Variants in TIMM23 observed in about 807,000 individuals in gnomAD.
The protein encoded by TIMM23 is mitochondrial import inner membrane translocase subunit Tim23.
TIMM23 carries 19 observed loss-of-function variants against 30.7 expected under a neutral mutation model. The observed-to-expected ratio is 0.62, with a 90% CI of 0.43 to 0.91. The LOEUF (loss-of-function observed/expected upper bound fraction) is 0.91. Ranked by LOEUF, TIMM23 falls within the 40% of genes least tolerant of loss-of-function variation. The probability of loss-of-function intolerance (pLI) is 0.00; values close to 1 mark genes in which losing one functional copy is unlikely to be tolerated. For missense variants in TIMM23, 202 were observed against 269.2 expected, an observed-to-expected ratio of 0.75 and a Z score of 1.75; for synonymous variants, 78 against 98.5, an observed-to-expected ratio of 0.79 and a Z score of 1.23.
intron 6 of TIMM23, among the ~76,000 whole-genome samples, chr10:45,997,981 A>G (rs983873707): frequency 6.6e-6 from 1 of 152,220 alleles, no homozygotes; most frequent in East Asian, 1.9e-4. Context: ...AGCTGCTGAC[A>G]GTCCTCAACA....
chr10:46,000,636 C>A (rs1242622167), intron 6 of TIMM23, among the ~76,000 whole-genome samples: 1 of 152,208 alleles, frequency 6.6e-6, no homozygotes, highest in Admixed American at 6.5e-5. Context: ...ATGTGAGAAT[C>A]CTTCCACAAG....
intron 6 of TIMM23, among the ~76,000 whole-genome samples, chr10:45,999,978 T>A (rs1402350208): frequency 6.6e-6 from 1 of 152,244 alleles, no homozygotes; most frequent in African/African-American, 2.4e-5. Context: ...TATGGCTCTG[T>A]TCCACCTGGC....
At chr10:45,974,239 A>G (rs1226238915) in intron 1 of TIMM23, among the ~76,000 whole-genome samples, 3 of 152,076 alleles carry the variant, frequency 2.0e-5, no homozygotes, top group South Asian at 2.1e-4. Flanking sequence ...ACCAACAAAC[A>G]TAAATTAAAA....
At chr10:45,996,081 G>A (rs1358215231) in intron 6 of TIMM23, among the ~76,000 whole-genome samples, 2 of 148,410 alleles carry the variant, frequency 1.3e-5, no homozygotes, top group African/African-American at 5.2e-5. Flanking sequence ...GAAATGTTAG[G>A]CCTGGCACAG....
chr10:46,003,068 C>T (rs566846312), intron 6 of TIMM23, 135 bp from the exon 7 acceptor site: 29 of 619,804 alleles, frequency 4.7e-5, no homozygotes, highest in African/African-American at 4.6e-4. Flanking sequence ...CCACCCACCT[C>T]GGCCTCCCGA....
intron 2 of TIMM23, among the ~76,000 whole-genome samples, chr10:45,981,203 C>T (rs1305963376): frequency 5.6e-5 from 8 of 143,348 alleles, no homozygotes; most frequent in African/African-American, 7.9e-5. Flanking sequence ...CTTCCCAAAG[C>T]GCTGAGATTA....
chr10:45,978,523 T>C (rs1564903851), intron 2 of TIMM23, among the ~76,000 whole-genome samples: 2 of 152,174 alleles, frequency 1.3e-5, no homozygotes, highest in African/African-American at 4.8e-5. Context: ...TATGAAGATA[T>C]ACAGATGTCT....
At chr10:45,991,366 A>C (rs1442145094) in intron 6 of TIMM23, among the ~76,000 whole-genome samples, 2 of 152,228 alleles carry the variant, frequency 1.3e-5, no homozygotes, top group Non-Finnish European at 2.9e-5. Context: ...AGTGGTGGGT[A>C]GATAAAATAG....
At chr10:45,982,340 A>G (rs1253642687) in intron 2 of TIMM23, among the ~76,000 whole-genome samples, 183 bp from the exon 3 acceptor site, 2 of 152,180 alleles carry the variant, frequency 1.3e-5, no homozygotes, top group Middle Eastern at 3.2e-3. Flanking sequence ...TATGTTTCGT[A>G]TTTCATTTCA....
intron 6 of TIMM23, among the ~76,000 whole-genome samples, chr10:45,991,063 C>T (rs1838150088): frequency 6.6e-6 from 1 of 152,162 alleles, no homozygotes; most frequent in Non-Finnish European, 1.5e-5. Context: ...TTGTCTTTCT[C>T]ACCAAACCAA....
chr10:45,973,181 A>AT (rs1837550170), intron 1 of TIMM23, among the ~76,000 whole-genome samples: 3 of 32,760 alleles, frequency 9.2e-5, no homozygotes. Context: ...TAAGTGAGAA[A>AT]TAAATGACTT....
At chr10:46,003,006 A>G (rs1290915069) in intron 6 of TIMM23, among the ~76,000 whole-genome samples, 197 bp from the exon 7 acceptor site, 2 of 151,824 alleles carry the variant, frequency 1.3e-5, no homozygotes, top group Admixed American at 6.6e-5. Flanking sequence ...TGAATTTTTA[A>G]TAGGGTTTCA....
At chr10:45,984,528 G>T (rs1212989821) in intron 4 of TIMM23, 1 of 152,260 alleles carries the variant, frequency 6.6e-6, no homozygotes, top group African/African-American at 2.4e-5. Context: ...ACAAATTTTT[G>T]TTTCTGTAGA....
Position 45,982,621 on chromosome 10 carries a change from G to C in TIMM23, c.259+5G>C, listed in dbSNP as rs1837879817. 6.2e-7 allele frequency: 1 copy of C among 1,613,686 alleles called. No homozygotes were observed. Among genetic ancestry groups the C allele is most frequent in the Non-Finnish European group, 8.5e-7 (1 of 1,179,856 alleles). ...TTGGAGGATGTTGCATGACAGGTGA[G>C]TGTTACATACTTTTTTCTCAAGAGT... is the stretch of plus-strand genomic sequence containing the variant. On this transcript the variant is annotated splice_donor_5th_base_variant and intron_variant, in intron 3 of 6. Transcript: ENST00000580018.
intron 2 of TIMM23, among the ~76,000 whole-genome samples, chr10:45,979,656 T>C (rs1837786922): frequency 6.6e-6 from 1 of 150,772 alleles, no homozygotes; most frequent in Non-Finnish European, 1.5e-5. Context: ...TGGAACCTTT[T>C]ATTTCACAGT....
intron 1 of TIMM23, among the ~76,000 whole-genome samples, chr10:45,972,967 T>C (rs1245094207): frequency 1.3e-5 from 2 of 152,146 alleles, no homozygotes; most frequent in African/African-American, 2.4e-5. Flanking sequence ...CGCGAGATGA[T>C]GCATGTTTTC....
rs1838243455 is a variant in TIMM23 at position 45,993,780 on chromosome 10, G to A, written c.514+4933G>A. Reference sequence around the variant, plus strand: ...TGAATAATGAAATGCCGGGTGCAGTGGTGCACTCCAGCCTGGGCAATAGAG... The same window carrying A: ...TGAATAATGAAATGCCGGGTGCAGTAGTGCACTCCAGCCTGGGCAATAGAG... On this transcript the variant is annotated intron_variant, in intron 6 of 6. Coordinates refer to ENST00000580018, the MANE Select transcript of TIMM23 (RefSeq NM_006327.4). Among the ~76,000 whole-genome samples the A allele has an allele frequency of 2.0e-5, 3 of 152,012 alleles. No homozygotes were observed. In the South Asian group the frequency reaches 6.2e-4, roughly 32 times the overall value.
chr10:46,003,256 C>T lies in TIMM23; in HGVS notation c.568C>T (p.Leu190Phe). Residue 190 changes from leucine (L) to phenylalanine (F), a missense_variant, in exon 7 of 7, where the codon CTC becomes TTC. Coordinates refer to ENST00000580018, the MANE Select transcript of TIMM23 (RefSeq NM_006327.4). ...TCTGACAGGACTAACACTTACCAGC[C>T]TCTATGCACTATATAATAACTGGGA... ...GGLTGLTLTS[L>F]YALYNNWEHM... 1.9e-6 allele frequency: 3 copies of T among 1,614,174 alleles called. No individual in the cohort carries two copies. Among genetic ancestry groups the T allele is most frequent in the Non-Finnish European group, 1.7e-6 (2 of 1,180,018 alleles).
At chr10:45,999,278 C>T (rs1275959596) in intron 6 of TIMM23, among the ~76,000 whole-genome samples, 9 of 152,284 alleles carry the variant, frequency 5.9e-5, no homozygotes, top group Admixed American at 2.0e-4. Flanking sequence ...ATATCTGGGA[C>T]TACAGATGCA....
Sources: allele counts gnomAD v4.1 joint callset (sites outside exome capture counted in the v4.1 genomes callset), GRCh38; gene constraint gnomAD v4.1.1; transcripts MANE v1.5; gene names NCBI Gene and HGNC (gene_info 2026-07-23, HGNC 2026-07-21).